The following THSD7A variants were observed in gnomAD, a reference collection of about 807,000 sequenced individuals.
THSD7A encodes thrombospondin type-1 domain-containing protein 7A.
Under a neutral mutation model 231.3 loss-of-function variants are expected in THSD7A, and 96 were observed. The ratio of observed to expected loss-of-function variants is 0.41; its 90% CI spans 0.35 to 0.49. The LOEUF (loss-of-function observed/expected upper bound fraction) is 0.49, where lower values mean the gene tolerates loss of function less well. THSD7A is among the 20% of genes least tolerant of loss of function. The pLI is 0.05. For synonymous variants in THSD7A, 940 were observed against 743.3 expected, an observed-to-expected ratio of 1.26 and a Z score of -4.30; for missense variants, 2,290 against 2,070.2, an observed-to-expected ratio of 1.11 and a Z score of -2.06.
At chr7:11,376,777 A>G (rs1322750624) in intron 26 of THSD7A, 120 bp from the exon 27 acceptor site, 3 of 589,264 alleles carry the variant, frequency 5.1e-6, no homozygotes, top group Middle Eastern at 3.3e-4. Context: ...GAAAAGAATT[A>G]TTGCTTCAGC....
rs189588389 is a variant in THSD7A at position 11,561,902 on chromosome 7, T to A, written c.1454-18785A>T. 6.8e-4 allele frequency among the ~76,000 whole-genome samples: 104 copies of A among 152,180 alleles called. 3 individuals are homozygous for A. Among genetic ancestry groups the A allele is most frequent in the Admixed American group, 6.0e-3 (92 of 15,282 alleles). Reference sequence around the variant, plus strand: ...TGATGCTCAAAAAGATTAAGTAATTTTCCCAAGGTCACACAGTTAATTAGC... The same window carrying A: ...TGATGCTCAAAAAGATTAAGTAATTATCCCAAGGTCACACAGTTAATTAGC... On this transcript the variant is annotated intron_variant, in intron 4 of 27. Coordinates refer to ENST00000423059, the MANE Select transcript of THSD7A (RefSeq NM_015204.3).
intron 1 of THSD7A, among the ~76,000 whole-genome samples, chr7:11,735,483 G>A (rs1482880028): frequency 6.6e-6 from 1 of 151,966 alleles, no homozygotes; most frequent in Non-Finnish European, 1.5e-5. Flanking sequence ...TTCAGGCTAT[G>A]TGTGTAAGGT....
intron 1 of THSD7A, among the ~76,000 whole-genome samples, chr7:11,803,154 C>A (rs1442374327): frequency 6.6e-6 from 1 of 152,132 alleles, no homozygotes; most frequent in African/African-American, 2.4e-5. Context: ...ACTTTTTCAA[C>A]AGGCAGCAGC....
rs57755425 is a variant in THSD7A at position 11,389,421 on chromosome 7, CTTTTTTTTTTTTTTTTTTTTT to C, written c.4412-6826_4412-6806del. On this transcript the variant is annotated intron_variant, in intron 23 of 27. Coordinates refer to ENST00000423059, the MANE Select transcript of THSD7A (RefSeq NM_015204.3). ...TCAGAGACTAGAATTGCAACTCCTG[CTTTTTTTTTTTTTTTTTTTTT>C]TTTTTTTTTTTTTTTTTTGCTATTT... is the stretch of plus-strand genomic sequence containing the variant. Among the ~76,000 whole-genome samples the C allele has an allele frequency of 1.1e-3, 40 of 37,606 alleles. 1 individual carries two copies. Among genetic ancestry groups the C allele is most frequent in the East Asian group, 9.3e-3 (8 of 864 alleles). The allele number at this position is 37,606 out of a possible 152,430, so 24.7% of individuals were successfully genotyped here.
chr7:11,394,166 C>T (rs1202777085), intron 23 of THSD7A, among the ~76,000 whole-genome samples: 3 of 152,214 alleles, frequency 2.0e-5, no homozygotes, highest in Non-Finnish European at 4.4e-5. Flanking sequence ...AACAGTGGAT[C>T]CCTCTGCAGA....
In THSD7A at chr7:11,467,357, T is replaced by G. The variant is rs550426314; in HGVS notation, c.2368+2522A>C. 2.6e-5 allele frequency among the ~76,000 whole-genome samples: 4 copies of G among 152,310 alleles called. No individual in the cohort carries two copies. In the South Asian group the frequency reaches 8.3e-4, roughly 32 times the overall value. On this transcript the variant is annotated intron_variant, in intron 9 of 27. Coordinates refer to ENST00000423059, the MANE Select transcript of THSD7A (RefSeq NM_015204.3). ...TTTTGTTATTGAACCATGTAAGTCT[T>G]ACATTATCTGGGCTGTGCAGAAGAG...
At chr7:11,428,592 C>G (rs533028182) in intron 14 of THSD7A, among the ~76,000 whole-genome samples, 1 of 152,130 alleles carries the variant, frequency 6.6e-6, no homozygotes, top group African/African-American at 2.4e-5. Flanking sequence ...ATTGAGATGT[C>G]TTTTCTGACA....
At chr7:11,713,172 G>C (rs762398712) in intron 1 of THSD7A, among the ~76,000 whole-genome samples, 18 of 151,228 alleles carry the variant, frequency 1.2e-4, no homozygotes, top group Admixed American at 7.3e-4. Context: ...TGCCAAACCA[G>C]TTAGCAGCCA....
At chr7:11,392,632 G>T (rs1474308881) in intron 23 of THSD7A, among the ~76,000 whole-genome samples, 2 of 152,214 alleles carry the variant, frequency 1.3e-5, no homozygotes, top group Non-Finnish European at 2.9e-5. Flanking sequence ...AGATCCACTG[G>T]CTTGACATTC....
intron 1 of THSD7A, chr7:11,820,410 G>T: frequency 7.5e-7 from 1 of 1,331,338 alleles, no homozygotes. Flanking sequence ...CACTGAACTT[G>T]TCATGGGCCC....
At chr7:11,459,962 AATC>A (rs531022920) in intron 11 of THSD7A, among the ~76,000 whole-genome samples, 42 of 152,248 alleles carry the variant, frequency 2.8e-4, no homozygotes, top group Non-Finnish European at 5.3e-4. Context: ...GAGTAAAAAT[AATC>A]ATGTGCTCTT....
intron 1 of THSD7A, among the ~76,000 whole-genome samples, chr7:11,684,898 A>G (rs953085252): frequency 1.3e-5 from 2 of 152,022 alleles, no homozygotes; most frequent in African/African-American, 4.8e-5. Flanking sequence ...AAACCATAAA[A>G]AAGCCAAAAC....
At chr7:11,453,175 G>A (rs1027944909) in intron 11 of THSD7A, among the ~76,000 whole-genome samples, 4 of 151,920 alleles carry the variant, frequency 2.6e-5, no homozygotes, top group Non-Finnish European at 5.9e-5. Context: ...AGCAAAGGGT[G>A]AAGCAAGGCC....
chr7:11,546,202 G>GCGCGCGCGCACACACACACA (rs761841418), intron 4 of THSD7A, among the ~76,000 whole-genome samples: 1,846 of 129,380 alleles, frequency 0.014, 48 homozygotes, highest in African/African-American at 0.043. Flanking sequence ...GTGGGCGCGC[G>GCGCGCGCGCACACACACACA]CTCACACACA....
intron 23 of THSD7A, among the ~76,000 whole-genome samples, chr7:11,386,220 A>G (rs887098882): frequency 6.6e-6 from 1 of 152,080 alleles, no homozygotes; most frequent in Non-Finnish European, 1.5e-5. Flanking sequence ...ATAATCCTTT[A>G]TGTATATACC....
At chr7:11,768,264 A>G (rs1783092881) in intron 1 of THSD7A, among the ~76,000 whole-genome samples, 1 of 152,222 alleles carries the variant, frequency 6.6e-6, no homozygotes, top group South Asian at 2.1e-4. Flanking sequence ...GTCCAACAAT[A>G]TATCAGGATA....
At chr7:11,589,511 G>A (rs1780066175) in intron 4 of THSD7A, among the ~76,000 whole-genome samples, 1 of 152,150 alleles carries the variant, frequency 6.6e-6, no homozygotes, top group Non-Finnish European at 1.5e-5. Context: ...CTGAAACTTG[G>A]TTGTATGGCA....
intron 3 of THSD7A, among the ~76,000 whole-genome samples, chr7:11,592,601 T>C (rs1780208045): frequency 6.6e-6 from 1 of 152,212 alleles, no homozygotes; most frequent in Non-Finnish European, 1.5e-5. Flanking sequence ...CCAGGTATTG[T>C]GATATATGCT....
At chr7:11,386,027 C>A (rs900333522) in intron 23 of THSD7A, among the ~76,000 whole-genome samples, 1 of 152,140 alleles carries the variant, frequency 6.6e-6, no homozygotes, top group African/African-American at 2.4e-5. Context: ...TCATCCATGT[C>A]CCTGCAAAGG....
Sources: gnomAD v4.1 joint callset for allele counts (sites outside exome capture counted in the v4.1 genomes callset) on GRCh38, gnomAD v4.1.1 for gene constraint, MANE v1.5 for transcripts, NCBI Gene and HGNC (gene_info 2026-07-23, HGNC 2026-07-21) for gene names.